FGF12: variants seen among roughly 807,000 people sequenced by gnomAD.
The protein encoded by FGF12 is fibroblast growth factor 12B.
A neutral mutation model predicts 23.6 loss-of-function variants in FGF12; 14 were observed. That is an observed-to-expected ratio of 0.59 (90% CI 0.39 to 0.93). The LOEUF is 0.93. Among genes scored for constraint, FGF12 ranks in the 40% least tolerant of loss-of-function variants. The pLI is 0.00. For synonymous variants in FGF12, 62 were observed against 77.3 expected (o/e 0.80, Z 1.04); for missense variants, 175 against 217.8 (o/e 0.80, Z 1.24).
chr3:192,158,103 T>C (rs938958260), intron 5 of FGF12, among the ~76,000 whole-genome samples: 17 of 152,182 alleles, frequency 1.1e-4, no homozygotes, highest in African/African-American at 3.6e-4. Context: ...AACATAAAAC[T>C]GTTTTGACTG....
chr3:192,218,291 G>A (rs6774070), intron 4 of FGF12, among the ~76,000 whole-genome samples: 6,433 of 152,190 alleles, frequency 0.042, 443 homozygotes, highest in African/African-American at 0.15. Flanking sequence ...GCATCTTTTG[G>A]GGCCAGTTGA....
chr3:192,577,242 GCT>G (rs1248970189), intron 2 of FGF12, among the ~76,000 whole-genome samples: 1 of 152,138 alleles, frequency 6.6e-6, no homozygotes, highest in African/African-American at 2.4e-5. Context: ...TGGTAGCCAT[GCT>G]CTTTCTGGTG....
At position 192,218,905 on chromosome 3, in the gene FGF12, C is replaced by T. The variant is rs1287807092; in HGVS notation, c.229-48249G>A. Among the ~76,000 whole-genome samples, 5 of 152,184 alleles carry T rather than the reference C, an allele frequency of 3.3e-5. No homozygotes were observed. In the East Asian group the frequency reaches 7.7e-4, roughly 23 times the overall value. ...CATACCTAGCTCTATGACCACAACA[C>T]AAATGTATCTTCCAGGTCCTGACCC... On this transcript the variant is annotated intron_variant, in intron 4 of 5. Coordinates refer to ENST00000445105, the MANE Select transcript of FGF12 (RefSeq NM_004113.6).
At chr3:192,279,074 G>A (rs1420775251) in intron 4 of FGF12, among the ~76,000 whole-genome samples, 2 of 152,026 alleles carry the variant, frequency 1.3e-5, no homozygotes, top group African/African-American at 4.8e-5. Flanking sequence ...TACTTATTAA[G>A]TGAATAAGTG....
In FGF12 at chr3:192,514,783, C is replaced by G. The variant is rs1478828572; in HGVS notation, c.14-154245G>C. Reference sequence around the variant, plus strand: ...GGAGAAGCGCGTGTGTGGGGTTGGTCAACTCCCCGCCCACCTGCGCTAGTA... The same window carrying G: ...GGAGAAGCGCGTGTGTGGGGTTGGTGAACTCCCCGCCCACCTGCGCTAGTA... On this transcript the variant is annotated intron_variant, in intron 2 of 5. Transcript: ENST00000445105. The surrounding 1 kb of genome is among the most constrained non-coding windows in gnomAD (Gnocchi z 4.9). 1.0e-6 allele frequency: 1 copy of G among 985,266 alleles called. No individual in the cohort carries two copies. The allele number at this position is 985,266 out of a possible 1,614,324, so 61.0% of individuals were successfully genotyped here.
chr3:192,475,420 G>T (rs1275318763), intron 2 of FGF12, among the ~76,000 whole-genome samples: 1 of 152,206 alleles, frequency 6.6e-6, no homozygotes, highest in Non-Finnish European at 1.5e-5. Context: ...TACAACTAAT[G>T]TAGGTGCCAG....
At chr3:192,361,757 AC>A (rs1718738086) in intron 2 of FGF12, among the ~76,000 whole-genome samples, 1 of 152,170 alleles carries the variant, frequency 6.6e-6, no homozygotes, top group African/African-American at 2.4e-5. Flanking sequence ...ACACCCTATA[AC>A]AAGTGTCTGC....
At chr3:192,192,483 A>C (rs1334990697) in intron 4 of FGF12, among the ~76,000 whole-genome samples, 1 of 148,054 alleles carries the variant, frequency 6.8e-6, no homozygotes, top group Non-Finnish European at 1.5e-5. Context: ...TATATAATAT[A>C]AATATATAAT....
intron 3 of FGF12, among the ~76,000 whole-genome samples, chr3:192,359,948 T>C (rs1718644133): frequency 6.7e-6 from 1 of 150,248 alleles, no homozygotes; most frequent in African/African-American, 2.4e-5. Flanking sequence ...TAAAATAACA[T>C]ATATATATAT....
At chr3:192,637,090 T>A (rs1245311391) in intron 2 of FGF12, among the ~76,000 whole-genome samples, 1 of 152,218 alleles carries the variant, frequency 6.6e-6, no homozygotes, top group African/African-American at 2.4e-5. Context: ...TTTCCTTTAT[T>A]CTTCCTTTTA....
chr3:192,512,366 G>C lies in FGF12; in HGVS notation c.14-151828C>G, dbSNP rs993252397. 2.6e-4 allele frequency among the ~76,000 whole-genome samples: 40 copies of C among 151,904 alleles called. 1 individual carries two copies. The highest frequency in any genetic ancestry group is 5.7e-4 in the Non-Finnish European group (39 of 67,936). On this transcript the variant is annotated intron_variant, in intron 2 of 5. Transcript: ENST00000445105. ...GCACAGACCACATGAAAAAAATATC[G>C]CTTTAAAATAGAACACAATGATAAA...
At chr3:192,311,106 G>T (rs76093651) in intron 4 of FGF12, among the ~76,000 whole-genome samples, 5,709 of 152,126 alleles carry the variant, frequency 0.038, 344 homozygotes, top group African/African-American at 0.13. Flanking sequence ...TTTAGCTTTT[G>T]TTTGGACAAA....
At chr3:192,669,467 G>C (rs886958558) in intron 2 of FGF12, among the ~76,000 whole-genome samples, 7 of 151,822 alleles carry the variant, frequency 4.6e-5, no homozygotes, top group African/African-American at 1.7e-4. Flanking sequence ...GGGACCTATA[G>C]TCCCAGCTAC....
chr3:192,722,463 C>G (rs113137988), intron 2 of FGF12, among the ~76,000 whole-genome samples: 2 of 152,204 alleles, frequency 1.3e-5, no homozygotes, highest in African/African-American at 4.8e-5. Context: ...TGGTTCATGG[C>G]CCTGACTGAA....
intron 2 of FGF12, among the ~76,000 whole-genome samples, chr3:192,548,838 T>TA (rs1365163324): frequency 6.6e-6 from 1 of 152,064 alleles, no homozygotes; most frequent in Admixed American, 6.5e-5. Flanking sequence ...AATATTAACC[T>TA]AAAAAATGGA....
At chr3:192,457,367 G>T in intron 2 of FGF12, among the ~76,000 whole-genome samples, 1 of 152,316 alleles carries the variant, frequency 6.6e-6, no homozygotes, top group Non-Finnish European at 1.5e-5. Context: ...ATGTGGAAAA[G>T]TTTGGAACCT....
chr3:192,686,887 G>C (rs1366831082), intron 2 of FGF12, among the ~76,000 whole-genome samples: 1 of 132,516 alleles, frequency 7.5e-6, no homozygotes, highest in African/African-American at 2.9e-5. Context: ...GGAGTGCAGT[G>C]GTGCCATCTC....
intron 4 of FGF12, among the ~76,000 whole-genome samples, chr3:192,188,459 G>C (rs1416785940): frequency 1.3e-5 from 2 of 152,198 alleles, no homozygotes; most frequent in Non-Finnish European, 2.9e-5. Context: ...GCTACAGTTG[G>C]TGGGACCAAG....
chr3:192,652,176 AC>A (rs1325190566), intron 2 of FGF12, among the ~76,000 whole-genome samples: 4 of 152,200 alleles, frequency 2.6e-5, no homozygotes, highest in Admixed American at 2.6e-4. Context: ...GGCACATGTT[AC>A]AAGTGGGACA....
Sources: allele counts gnomAD v4.1 joint callset (sites outside exome capture counted in the v4.1 genomes callset), GRCh38; gene constraint gnomAD v4.1.1; non-coding constraint Gnocchi (gnomAD v3.1); transcripts MANE v1.5; gene names NCBI Gene and HGNC (gene_info 2026-07-23, HGNC 2026-07-21).